The following CSMD1 variants were observed in gnomAD, a reference collection of about 807,000 sequenced individuals.
CSMD1 encodes the protein CUB and sushi domain-containing protein 1.
Under a neutral mutation model 417.5 loss-of-function variants are expected in CSMD1, and 213 were observed. The ratio of observed to expected loss-of-function variants is 0.51; its 90% CI spans 0.46 to 0.57. The LOEUF is 0.57. Among genes scored for constraint, CSMD1 ranks in the 20% least tolerant of loss-of-function variants. The probability of loss-of-function intolerance (pLI) is 0.00; values close to 1 mark genes in which losing one functional copy is unlikely to be tolerated. For missense variants in CSMD1, 6,923 were observed against 4,529.7 expected (o/e 1.53, Z -15.17); for synonymous variants, 2,862 against 1,736.8 (o/e 1.65, Z -16.11).
intron 5 of CSMD1, among the ~76,000 whole-genome samples, chr8:3,905,842 T>C (rs979321467): frequency 5.9e-5 from 9 of 152,198 alleles, no homozygotes; most frequent in African/African-American, 2.2e-4. Flanking sequence ...GCATTCTAGT[T>C]CCTTCCGGAC....
In CSMD1 at chr8:4,350,604, G is replaced by C. The variant is rs182201121; in HGVS notation, c.415+69349C>G. 3.3e-5 allele frequency among the ~76,000 whole-genome samples: 5 copies of C among 152,246 alleles called. No individual in the cohort carries two copies. The East Asian group carries it at 9.7e-4, about 29-fold the overall frequency. On this transcript the variant is annotated intron_variant, in intron 3 of 69. Transcript: ENST00000635120. ...TCCACGCTTACAATGAGAAAAAGCA[G>C]AACAAAACTGACCTGGGCAATGGGC...
chr8:4,561,362 G>C (rs1251015680), intron 2 of CSMD1, among the ~76,000 whole-genome samples: 3 of 152,142 alleles, frequency 2.0e-5, no homozygotes, highest in African/African-American at 7.2e-5. Flanking sequence ...GACAGAATGA[G>C]ACTCCATCTC....
chr8:3,460,465 A>AT (rs766096742), intron 12 of CSMD1, among the ~76,000 whole-genome samples: 22 of 152,092 alleles, frequency 1.4e-4, no homozygotes, highest in African/African-American at 4.3e-4. Context: ...CTCTATGTTC[A>AT]TTTTTTTAAA....
At chr8:4,786,355 T>C (rs1299056266) in intron 1 of CSMD1, among the ~76,000 whole-genome samples, 1 of 152,206 alleles carries the variant, frequency 6.6e-6, no homozygotes, top group Non-Finnish European at 1.5e-5. Context: ...TTTACAGCAG[T>C]TGAGATTAAA....
At chr8:3,463,207 C>T (rs1816616463) in intron 12 of CSMD1, among the ~76,000 whole-genome samples, 1 of 152,190 alleles carries the variant, frequency 6.6e-6, no homozygotes, top group Non-Finnish European at 1.5e-5. Flanking sequence ...ACCTCTCCCT[C>T]CACCCAACTC....
intron 2 of CSMD1, among the ~76,000 whole-genome samples, chr8:4,465,412 AG>A (rs1800105629): frequency 6.6e-6 from 1 of 152,158 alleles, no homozygotes; most frequent in Non-Finnish European, 1.5e-5. Context: ...ATCATGCTGA[AG>A]GAGCCTTGTA....
chr8:3,341,143 G>C (rs1299338790), intron 23 of CSMD1, among the ~76,000 whole-genome samples: 1 of 152,092 alleles, frequency 6.6e-6, no homozygotes, highest in Non-Finnish European at 1.5e-5. Context: ...TATCCATGTG[G>C]GGTCCAGGCA....
intron 10 of CSMD1, among the ~76,000 whole-genome samples, chr8:3,563,333 T>G (rs752586642): frequency 2.0e-5 from 3 of 151,718 alleles, no homozygotes; most frequent in Non-Finnish European, 4.4e-5. Flanking sequence ...AGGTTTTGCT[T>G]TGTTGTTACT....
intron 69 of CSMD1, among the ~76,000 whole-genome samples, chr8:2,938,954 C>T (rs189218827): frequency 6.6e-5 from 10 of 152,056 alleles, no homozygotes; most frequent in South Asian, 2.1e-4. Flanking sequence ...AAAAGTGAAT[C>T]GATTTCAAAA....
intron 4 of CSMD1, among the ~76,000 whole-genome samples, chr8:4,015,703 C>G (rs966176697): frequency 6.9e-6 from 1 of 145,872 alleles, no homozygotes; most frequent in African/African-American, 2.5e-5. Flanking sequence ...GCTGCTACAT[C>G]CCATTTTATC....
rs959263832 is a variant in CSMD1, at chr8:3,643,676, G to A, written c.1010-26879C>T. ...AGATCGCGCCACTGCACCCCAGCCT[G>A]GGCGACAGCGTGAGACTCCGTCTCA... is the stretch of plus-strand genomic sequence containing the variant. On this transcript the variant is annotated intron_variant, in intron 7 of 69. Transcript: ENST00000635120. 2.2e-5 allele frequency among the ~76,000 whole-genome samples: 3 copies of A among 138,910 alleles called. No homozygotes were observed. The East Asian group carries it at 6.5e-4, about 30-fold the overall frequency. 91.1% of individuals were successfully genotyped at this position (138,910 alleles called of 152,430 possible).
chr8:3,722,731 T>C (rs1802260423), intron 6 of CSMD1, among the ~76,000 whole-genome samples: 2 of 152,192 alleles, frequency 1.3e-5, no homozygotes, highest in Non-Finnish European at 1.5e-5. Context: ...AAAACTCTTG[T>C]CGTTAGGTTT....
At chr8:4,214,342 G>C (rs1800503173) in intron 3 of CSMD1, among the ~76,000 whole-genome samples, 1 of 152,172 alleles carries the variant, frequency 6.6e-6, no homozygotes, top group Non-Finnish European at 1.5e-5. Flanking sequence ...CTGTCACTGA[G>C]GCTGGAGTGC....
At chr8:3,814,626 G>A (rs561298499) in intron 5 of CSMD1, among the ~76,000 whole-genome samples, 34 of 152,252 alleles carry the variant, frequency 2.2e-4, no homozygotes, top group South Asian at 8.3e-4. Flanking sequence ...ACACAGAACG[G>A]CCTCCCAAAC....
intron 11 of CSMD1, among the ~76,000 whole-genome samples, chr8:3,489,178 T>A (rs2117280669): frequency 6.6e-6 from 1 of 152,178 alleles, no homozygotes; most frequent in East Asian, 1.9e-4. Flanking sequence ...CAGGGAGAAA[T>A]GACGTCTCAG....
chr8:4,089,722 TTTAA>T (rs1295669789), intron 3 of CSMD1, among the ~76,000 whole-genome samples: 1 of 152,146 alleles, frequency 6.6e-6, no homozygotes, highest in Non-Finnish European at 1.5e-5. Context: ...TCAAGATTAT[TTTAA>T]TTATTATTGA....
chr8:3,525,393 A>C (rs1233870119), intron 10 of CSMD1, among the ~76,000 whole-genome samples: 1 of 152,204 alleles, frequency 6.6e-6, no homozygotes, highest in Non-Finnish European at 1.5e-5. Flanking sequence ...ATTTAATTTC[A>C]AGGTAATCAT....
intron 3 of CSMD1, among the ~76,000 whole-genome samples, chr8:4,409,234 A>G (rs1796512356): frequency 6.6e-6 from 1 of 152,186 alleles, no homozygotes; most frequent in Non-Finnish European, 1.5e-5. Flanking sequence ...ATTCGAATGC[A>G]TTTTTACCTT....
intron 15 of CSMD1, among the ~76,000 whole-genome samples, chr8:3,401,722 A>C (rs1812050114): frequency 6.6e-6 from 1 of 151,746 alleles, no homozygotes; most frequent in African/African-American, 2.4e-5. Context: ...TTAGGAAAGC[A>C]ATCAAAGACG....
Sources: gnomAD v4.1 joint callset for allele counts (sites outside exome capture counted in the v4.1 genomes callset) on GRCh38, gnomAD v4.1.1 for gene constraint, MANE v1.5 for transcripts, NCBI Gene and HGNC (gene_info 2026-07-23, HGNC 2026-07-21) for gene names.